Variants in FAM204A observed in about 807,000 individuals in gnomAD.
FAM204A encodes protein FAM204A.
Under a neutral mutation model 35.4 loss-of-function variants are expected in FAM204A, and 16 were observed. That is an observed-to-expected ratio of 0.45 (90% CI 0.31 to 0.69). The LOEUF (loss-of-function observed/expected upper bound fraction) is 0.69, where lower values mean the gene tolerates loss of function less well. Ranked by LOEUF, FAM204A falls within the 30% of genes least tolerant of loss-of-function variation. The probability of loss-of-function intolerance (pLI) is 0.07; values close to 1 mark genes in which losing one functional copy is unlikely to be tolerated. For missense variants in FAM204A, 240 were observed against 265.7 expected, an observed-to-expected ratio of 0.90 and a Z score of 0.67; for synonymous variants, 76 against 86.9, an observed-to-expected ratio of 0.88 and a Z score of 0.70.
intron 7 of FAM204A, among the ~76,000 whole-genome samples, chr10:118,320,698 A>G (rs1360537709): frequency 6.6e-6 from 1 of 152,016 alleles, no homozygotes. Context: ...ATCACATTAC[A>G]TGACAAAACC....
intron 7 of FAM204A, among the ~76,000 whole-genome samples, chr10:118,324,392 G>GT (rs1360265440): frequency 6.6e-6 from 1 of 152,148 alleles, no homozygotes; most frequent in African/African-American, 2.4e-5. Flanking sequence ...AGCATTATTC[G>GT]TAATGGTCAG....
rs1320626367 is a variant in FAM204A, at chr10:118,310,041, C to G, written c.*816G>C. 6.6e-6 allele frequency: 1 copy of G among 152,072 alleles called. No individual in the cohort carries two copies. Among genetic ancestry groups the G allele is most frequent in the East Asian group, 1.9e-4 (1 of 5,200 alleles). 9.4% of individuals were successfully genotyped at this position (152,072 alleles called of 1,614,324 possible). On this transcript the variant is annotated 3_prime_UTR_variant, in exon 9 of 9. Coordinates refer to ENST00000369183, the MANE Select transcript of FAM204A (RefSeq NM_022063.3). ...TCCAATTAAAAAAAAACAGTAACTA[C>G]TTTTATAACATTAAGGTCAAGTCAT...
chr10:118,326,400 C>T lies in FAM204A; in HGVS notation c.454-157G>A, dbSNP rs886506131. ...TAGCTGCTACCATTCCCATTAGTACCAGAAGGCTGAGACAGTAAATGGCTT... is the reference window on the plus strand; with the variant it reads ...TAGCTGCTACCATTCCCATTAGTACTAGAAGGCTGAGACAGTAAATGGCTT... On this transcript the variant is annotated intron_variant, in intron 6 of 8. Coordinates refer to ENST00000369183, the MANE Select transcript of FAM204A (RefSeq NM_022063.3). 7 of 638,002 alleles carry T rather than the reference C, an allele frequency of 1.1e-5. No individual in the cohort carries two copies. The African/African-American group carries it at 1.3e-4, about 12-fold the overall frequency. The allele number at this position is 638,002 out of a possible 1,614,324, so 39.5% of individuals were successfully genotyped here. A position where few individuals can be genotyped will look rare whatever the true frequency, so the allele number is the denominator to read the frequency against.
At chr10:118,318,876 C>A (rs752721707) in intron 7 of FAM204A, among the ~76,000 whole-genome samples, 1 of 150,958 alleles carries the variant, frequency 6.6e-6, no homozygotes, top group Admixed American at 6.6e-5. Context: ...GAACTCCAGA[C>A]ACAATAACAC....
chr10:118,340,313 G>T (rs897334746), intron 2 of FAM204A, among the ~76,000 whole-genome samples: 1 of 152,132 alleles, frequency 6.6e-6, no homozygotes, highest in Admixed American at 6.5e-5. Flanking sequence ...GGTTACAGGG[G>T]GAAAAAGTCT....
rs1488234175 is a variant in FAM204A, at chr10:118,335,623, T to C, written c.253A>G (p.Lys85Glu). The C allele has an allele frequency of 6.2e-7, 1 of 1,605,564 alleles. No individual in the cohort carries two copies. The highest frequency in any genetic ancestry group is 1.7e-5 in the Admixed American group (1 of 57,884). Residue 85 changes from lysine to glutamate, a missense_variant, in exon 4 of 9, where the codon AAA becomes GAA. This residue lies in a region of FAM204A where 232 missense variants were observed against 242.8 expected (regional missense o/e 0.96). Coordinates refer to ENST00000369183, the MANE Select transcript of FAM204A (RefSeq NM_022063.3). ...GTGCTTTTCTGTTCAGAATGTTTTT[T>C]ATGCAATTCTTGAAATTTCTATGTA... The part of the protein sequence containing the change: ...DMWNKFQELH[K>E]KHSEQKSTTS...
intron 7 of FAM204A, among the ~76,000 whole-genome samples, chr10:118,314,703 C>T (rs1846004138): frequency 6.6e-6 from 1 of 152,140 alleles, no homozygotes; most frequent in African/African-American, 2.4e-5. Flanking sequence ...GGTTTTGGGT[C>T]ATCAGATAAC....
At chr10:118,315,360 C>G (rs913262685) in intron 7 of FAM204A, among the ~76,000 whole-genome samples, 2 of 152,154 alleles carry the variant, frequency 1.3e-5, no homozygotes, top group Non-Finnish European at 2.9e-5. Flanking sequence ...TCTAGCATAA[C>G]TGTAAATTTC....
chr10:118,326,213 C>T lies in FAM204A; in HGVS notation c.484G>A (p.Val162Met). The T allele has an allele frequency of 6.2e-7, 1 of 1,613,962 alleles. No homozygotes were observed. The highest frequency in any genetic ancestry group is 8.5e-7 in the Non-Finnish European group (1 of 1,179,886). Residue 162 changes from valine (V) to methionine (M), a missense_variant, in exon 7 of 9, where the codon GTG becomes ATG. Physicochemically the swap from Val to Met is conservative, Grantham distance 21 (BLOSUM62 1). This residue lies in a region of FAM204A where 232 missense variants were observed against 242.8 expected (regional missense o/e 0.96). Transcript: ENST00000369183. ...SGLEKRIDQAVEEWNIEKAEE... is the reference protein window; with the variant it reads ...SGLEKRIDQAMEEWNIEKAEE... ...GCCTTCTCAATATTCCACTCCTCCA[C>T]AGCCTGGTCTATCCTCTTTTCAAGG...
Position 118,311,257 on chromosome 10 carries a change from CT to C in FAM204A, c.599del (p.Lys200ArgfsTer95). On this transcript the variant is annotated frameshift_variant, in exon 8 of 9. Coordinates refer to ENST00000369183, the MANE Select transcript of FAM204A (RefSeq NM_022063.3). LOFTEE classifies it high-confidence loss of function. ...VACHNFVKAK[K>X]EVENSQAARK... ...GGGCAGCCTGTGAATTTTCAACCTCCTTTTTGGCTTTTACAAAGTTGTGGCA... is the reference window on the plus strand; with the variant it reads ...GGGCAGCCTGTGAATTTTCAACCTCCTTTTGGCTTTTACAAAGTTGTGGCA... 3 of 1,612,248 alleles carry C rather than the reference CT, an allele frequency of 1.9e-6. No homozygotes were observed. Among genetic ancestry groups the C allele is most frequent in the African/African-American group, 1.3e-5 (1 of 74,866 alleles).
intron 7 of FAM204A, among the ~76,000 whole-genome samples, chr10:118,321,724 C>CAAAAAAAAAAAAAAAAAAAAAAA (rs200200755): frequency 1.1e-5 from 1 of 87,260 alleles, no homozygotes; most frequent in Non-Finnish European, 2.1e-5. Context: ...TATGACAAAG[C>CAAAAAAAAAAAAAAAAAAAAAAA]AAAAAAAAAA....
chr10:118,310,718 G>C lies in FAM204A; in HGVS notation c.*139C>G, dbSNP rs190103802. 1.4e-6 allele frequency: 1 copy of C among 691,888 alleles called. No homozygotes were observed. The highest frequency in any genetic ancestry group is 2.9e-5 in the Admixed American group (1 of 34,072). 42.9% of individuals were successfully genotyped at this position (691,888 alleles called of 1,614,324 possible). ...AGTCCTTAAAGAAAGACTGAAAAGA[G>C]CTGATAATCAAAATCCCAAATTTTA... On this transcript the variant is annotated 3_prime_UTR_variant, in exon 9 of 9. Coordinates refer to ENST00000369183, the MANE Select transcript of FAM204A (RefSeq NM_022063.3).
At chr10:118,339,633 AT>A (rs970655009) in intron 2 of FAM204A, among the ~76,000 whole-genome samples, 1 of 152,014 alleles carries the variant, frequency 6.6e-6, no homozygotes, top group Admixed American at 6.6e-5. Context: ...ATAAGCTTTC[AT>A]TTTTTTTACC....
chr10:118,332,405 C>T (rs1256085246), intron 6 of FAM204A, among the ~76,000 whole-genome samples: 1 of 151,524 alleles, frequency 6.6e-6, no homozygotes, highest in Non-Finnish European at 1.5e-5. Context: ...CAATGGTTTA[C>T]AACTGATACC....
chr10:118,340,158 T>C (rs1193159591), intron 2 of FAM204A, among the ~76,000 whole-genome samples: 2 of 152,216 alleles, frequency 1.3e-5, no homozygotes, highest in Non-Finnish European at 2.9e-5. Flanking sequence ...TTTTCACATG[T>C]TAATCAGAGG....
rs374102974 is a variant in FAM204A, at chr10:118,341,736, G to T, written c.-18C>A. Reference sequence around the variant, plus strand: ...CTGTGAGAATACTTACAGGGTCCAAGATTGCAAGAGGATGGGTCTAGAAAG... The same window carrying T: ...CTGTGAGAATACTTACAGGGTCCAATATTGCAAGAGGATGGGTCTAGAAAG... On this transcript the variant is annotated 5_prime_UTR_variant, in exon 2 of 9. Transcript: ENST00000369183. 6.6e-6 allele frequency: 1 copy of T among 152,140 alleles called. No homozygotes were observed. The highest frequency in any genetic ancestry group is 1.5e-5 in the Non-Finnish European group (1 of 68,044). The allele number at this position is 152,140 out of a possible 1,614,324, so 9.4% of individuals were successfully genotyped here.
At position 118,298,551 on chromosome 10, in the gene FAM204A, C is replaced by T. The variant is rs910611763; in HGVS notation, c.*12306G>A. The T allele has an allele frequency of 6.6e-5, 10 of 152,166 alleles. No individual in the cohort carries two copies. Among genetic ancestry groups the T allele is most frequent in the Non-Finnish European group, 1.3e-4 (9 of 68,046 alleles). 9.4% of individuals were successfully genotyped at this position (152,166 alleles called of 1,614,324 possible). On this transcript the variant is annotated 3_prime_UTR_variant, in exon 9 of 9. Coordinates refer to ENST00000369183, the MANE Select transcript of FAM204A (RefSeq NM_022063.3). Reference sequence around the variant, plus strand: ...GATCTTAGCTATCTGCAAAGCTGACCAGGGCTAGAACTCCATTTTACCACC... The same window carrying T: ...GATCTTAGCTATCTGCAAAGCTGACTAGGGCTAGAACTCCATTTTACCACC...
chr10:118,336,109 G>A, intron 3 of FAM204A, 73 bp downstream of exon 3: 1 of 1,531,800 alleles, frequency 6.5e-7, no homozygotes, highest in East Asian at 2.3e-5. Flanking sequence ...TGCACATTCT[G>A]ACCAGGGCAG....
At position 118,299,390 on chromosome 10, in the gene FAM204A, G is replaced by GTTTTTTTTT. The variant is rs1258757277; in HGVS notation, c.*11466_*11467insAAAAAAAAA. 1 of 85,402 alleles carries GTTTTTTTTT rather than the reference G, an allele frequency of 1.2e-5. No individual in the cohort carries two copies. The highest frequency in any genetic ancestry group is 6.8e-5 in the African/African-American group (1 of 14,604). 5.3% of individuals were successfully genotyped at this position (85,402 alleles called of 1,614,324 possible). ...AACCTCCTCCTTTCTGCTTCCAGAA[G>GTTTTTTTTT]GTTTTTTTTTTTTTTTTTTTTTTGA... On this transcript the variant is annotated 3_prime_UTR_variant, in exon 9 of 9. Coordinates refer to ENST00000369183, the MANE Select transcript of FAM204A (RefSeq NM_022063.3).
Sources: allele counts gnomAD v4.1 joint callset (sites outside exome capture counted in the v4.1 genomes callset), GRCh38; gene constraint gnomAD v4.1.1; regional missense constraint gnomAD v4.1.1; transcripts MANE v1.5; gene names NCBI Gene and HGNC (gene_info 2026-07-23, HGNC 2026-07-21).